Variants in DNAH11 observed in about 807,000 individuals in gnomAD.
DNAH11 encodes dynein axonemal heavy chain 11, also known as axonemal beta dynein heavy chain 11.
A neutral mutation model predicts 526.0 loss-of-function variants in DNAH11; 442 were observed. That is an observed-to-expected ratio of 0.84 (90% confidence interval 0.78 to 0.91). The LOEUF (loss-of-function observed/expected upper bound fraction) is 0.91, where lower values mean the gene tolerates loss of function less well. Ranked by LOEUF, DNAH11 falls within the 40% of genes least tolerant of loss-of-function variation. The pLI is 0.00. For synonymous variants in DNAH11, 2,461 were observed against 1,935.9 expected, an observed-to-expected ratio of 1.27 and a Z score of -7.12; for missense variants, 6,989 against 5,448.7, an observed-to-expected ratio of 1.28 and a Z score of -8.90.
chr7:21,813,806 A>G (rs1789640683), intron 63 of DNAH11, among the ~76,000 whole-genome samples: 1 of 152,220 alleles, frequency 6.6e-6, no homozygotes, highest in Non-Finnish European at 1.5e-5. Context: ...TGACTCTAGA[A>G]GCAGACTTTG....
intron 61 of DNAH11, among the ~76,000 whole-genome samples, chr7:21,790,398 C>T (rs1447390717): frequency 6.6e-6 from 1 of 152,090 alleles, no homozygotes; most frequent in Non-Finnish European, 1.5e-5. Flanking sequence ...TGCAGTGAGC[C>T]AAGATCACAC....
At position 21,738,870 on chromosome 7, in the gene DNAH11, A is replaced by G. The variant is rs374167556; in HGVS notation, c.7811+4A>G. The G allele has an allele frequency of 4.4e-6, 7 of 1,586,538 alleles. No homozygotes were observed. The highest frequency in any genetic ancestry group is 6.0e-6 in the Non-Finnish European group (7 of 1,168,876). On this transcript the variant is annotated splice_donor_region_variant and intron_variant, in intron 47 of 81. Transcript: ENST00000409508. ...AGCATATTGATTATGGACATTGGTA[A>G]GCAAGTCTCTGTAGTTTACTCTCTC... is the stretch of plus-strand genomic sequence containing the variant.
At chr7:21,804,858 CTAAT>C (rs1195358744) in intron 62 of DNAH11, among the ~76,000 whole-genome samples, 1 of 152,176 alleles carries the variant, frequency 6.6e-6, no homozygotes, top group African/African-American at 2.4e-5. Flanking sequence ...TCCCCAATAG[CTAAT>C]TAATCACTCA....
At chr7:21,768,729 G>A (rs536096343) in intron 55 of DNAH11, among the ~76,000 whole-genome samples, 5 of 152,276 alleles carry the variant, frequency 3.3e-5, no homozygotes, top group African/African-American at 1.2e-4. Context: ...ACAACTGATG[G>A]CGAGAAAGTC....
chr7:21,565,141 C>A (rs927099859), intron 6 of DNAH11, among the ~76,000 whole-genome samples: 1 of 152,182 alleles, frequency 6.6e-6, no homozygotes, highest in African/African-American at 2.4e-5. Flanking sequence ...TATTTTCTCA[C>A]AGTTCTAGAG....
At chr7:21,751,938 A>G (rs1041824140) in intron 54 of DNAH11, among the ~76,000 whole-genome samples, 1 of 152,238 alleles carries the variant, frequency 6.6e-6, no homozygotes, top group African/African-American at 2.4e-5. Flanking sequence ...GTACAGTGTT[A>G]GAATTTGAGG....
chr7:21,724,326 A>G (rs1245260406), intron 44 of DNAH11, among the ~76,000 whole-genome samples: 1 of 152,188 alleles, frequency 6.6e-6, no homozygotes, highest in Non-Finnish European at 1.5e-5. Context: ...TGGTAGAAGG[A>G]TGCTCTCAGC....
chr7:21,559,548 G>A, intron 3 of DNAH11, 55 bp from the exon 4 acceptor site: 1 of 1,380,732 alleles, frequency 7.2e-7, no homozygotes, highest in East Asian at 2.5e-5. Flanking sequence ...TAAAGTCTAT[G>A]TCTTTGGATA....
chr7:21,862,002 C>A lies in DNAH11; in HGVS notation c.11352C>A (p.Phe3784Leu), dbSNP rs553539918. The change falls in exon 69 of 82, where the codon TTC (phenylalanine) becomes TTA (leucine). Residue 3784 changes from phenylalanine (F) to leucine (L), a missense_variant. Physicochemically the swap from Phe to Leu is conservative, Grantham distance 22. Transcript: ENST00000409508. ...TGTTTGAGAAGGACAAGCTCACCTTCCTGTCCCAGATGGCTTTTCAGGTAA... is the reference window on the plus strand; with the variant it reads ...TGTTTGAGAAGGACAAGCTCACCTTACTGTCCCAGATGGCTTTTCAGGTAA... ...QALFEKDKLT[F>L]LSQMAFQILL... is the part of the protein sequence containing the mutation. 1.9e-5 allele frequency: 30 copies of A among 1,612,908 alleles called. No individual in the cohort carries two copies. In the East Asian group the frequency reaches 6.5e-4, roughly 35 times the overall value.
At chr7:21,761,643 T>G (rs905590253) in intron 54 of DNAH11, among the ~76,000 whole-genome samples, 3 of 152,116 alleles carry the variant, frequency 2.0e-5, no homozygotes, top group Non-Finnish European at 2.9e-5. Context: ...GTCCAAGGAT[T>G]TGCATTTCCA....
chr7:21,698,160 G>T lies in DNAH11; in HGVS notation c.6127G>T (p.Ala2043Ser). ...AEGFVDARAL[A>S]RKFITLYTLC... ...AGGTTTTGTGGATGCGCGTGCATTA[G>T]CCCGAAAGTTCATTACGTTGTACAC... is the stretch of plus-strand genomic sequence containing the variant. The change falls in exon 36 of 82, where the codon GCC becomes TCC. Residue 2043 changes from alanine (A) to serine (S), a missense_variant. By Grantham distance (99) the Ala-to-Ser change is moderately conservative. Transcript: ENST00000409508. 1 of 1,613,622 alleles carries T rather than the reference G, an allele frequency of 6.2e-7. No homozygotes were observed.
intron 8 of DNAH11, among the ~76,000 whole-genome samples, chr7:21,573,511 T>A (rs10950858): frequency 0.12 from 18,827 of 152,002 alleles, 2,402 homozygotes; most frequent in African/African-American, 0.32. Context: ...ATTACTTTTT[T>A]AAAAAAATGT....
chr7:21,847,358 A>G (rs550894094), intron 66 of DNAH11, among the ~76,000 whole-genome samples: 6 of 152,316 alleles, frequency 3.9e-5, no homozygotes, highest in Non-Finnish European at 8.8e-5. Context: ...CTTTTGCTGA[A>G]TCTCACAAAT....
chr7:21,601,721 A>C (rs550815397), intron 18 of DNAH11, 103 bp downstream of exon 18: 29 of 819,646 alleles, frequency 3.5e-5, no homozygotes, highest in Middle Eastern at 2.9e-4. Context: ...AACAATCTAT[A>C]CTGTACACAT....
At chr7:21,884,492 A>G (rs781488045) in intron 76 of DNAH11, 82 bp downstream of exon 76, 1 of 1,382,202 alleles carries the variant, frequency 7.2e-7, no homozygotes, top group Non-Finnish European at 9.7e-7. Flanking sequence ...TAATTATACT[A>G]TGGGCAATTC....
At chr7:21,893,777 G>T (rs1784411077) in intron 77 of DNAH11, among the ~76,000 whole-genome samples, 2 of 152,198 alleles carry the variant, frequency 1.3e-5, no homozygotes, top group Non-Finnish European at 2.9e-5. Context: ...TAAAAATGTT[G>T]ATGTAAATTG....
chr7:21,753,279 T>TC (rs1001700589), intron 54 of DNAH11, among the ~76,000 whole-genome samples: 2 of 152,050 alleles, frequency 1.3e-5, no homozygotes, highest in Non-Finnish European at 2.9e-5. Flanking sequence ...CCTAAGCTCC[T>TC]CCCCCAAACC....
At chr7:21,878,041 AT>A (rs1288227851) in intron 74 of DNAH11, among the ~76,000 whole-genome samples, 2 of 152,190 alleles carry the variant, frequency 1.3e-5, no homozygotes, top group African/African-American at 4.8e-5. Context: ...CATTGTGCAT[AT>A]AAAATTGGTA....
intron 68 of DNAH11, among the ~76,000 whole-genome samples, chr7:21,855,791 T>C (rs1029046250): frequency 6.6e-6 from 1 of 152,162 alleles, no homozygotes; most frequent in African/African-American, 2.4e-5. Context: ...GGACAAAACA[T>C]AAGGGTGGAG....
Sources: gnomAD v4.1 joint callset for allele counts (sites outside exome capture counted in the v4.1 genomes callset) on GRCh38, gnomAD v4.1.1 for gene constraint, MANE v1.5 for transcripts, NCBI Gene and HGNC (gene_info 2026-07-23, HGNC 2026-07-21) for gene names.